Variants in AFG2A observed in about 807,000 individuals in gnomAD.
AFG2A encodes ATPase family gene 2 protein homolog A.
At chr4:122,991,980 A>G in the AFG2A span, among the ~76,000 whole-genome samples, 1 of 152,202 alleles carries the variant, frequency 6.6e-6, no homozygotes, top group Non-Finnish European at 1.5e-5. Context: ...TGGGTCAGGT[A>G]GATGCCCAGT....
the AFG2A span, among the ~76,000 whole-genome samples, chr4:123,086,120 CTTCT>C: frequency 6.6e-6 from 1 of 152,000 alleles, no homozygotes; most frequent in Non-Finnish European, 1.5e-5. Flanking sequence ...AAGTTTTTAT[CTTCT>C]TTATTTCTTC....
the AFG2A span, among the ~76,000 whole-genome samples, chr4:123,091,689 G>A: frequency 6.6e-6 from 1 of 152,010 alleles, no homozygotes; most frequent in Non-Finnish European, 1.5e-5. Flanking sequence ...AAGTAGTATA[G>A]GTGCAAAACC....
chr4:123,314,148 A>G, the AFG2A span: 10 of 1,233,104 alleles, frequency 8.1e-6, no homozygotes, highest in Non-Finnish European at 1.1e-6. Flanking sequence ...TGTTAAAAAA[A>G]ATTTTACTAG....
chr4:123,072,912 T>C, the AFG2A span, among the ~76,000 whole-genome samples: 1,760 of 152,268 alleles, frequency 0.012, 14 homozygotes, highest in Middle Eastern at 0.078. Flanking sequence ...TGGAGTGATA[T>C]GTAATGTTTG....
the AFG2A span, among the ~76,000 whole-genome samples, chr4:123,298,626 T>A: frequency 6.6e-6 from 1 of 152,184 alleles, no homozygotes; most frequent in Admixed American, 6.5e-5. Context: ...AAACCACTCA[T>A]GAGTCCCCTT....
chr4:123,166,795 T>A, the AFG2A span, among the ~76,000 whole-genome samples: 3 of 152,200 alleles, frequency 2.0e-5, no homozygotes, highest in Admixed American at 2.0e-4. Flanking sequence ...CTATGGATGT[T>A]ACTCTTCTTA....
the AFG2A span, among the ~76,000 whole-genome samples, chr4:123,267,418 T>G: frequency 3.9e-5 from 6 of 152,204 alleles, no homozygotes; most frequent in East Asian, 9.6e-4. Flanking sequence ...AAAGTTTCCC[T>G]GTTTAGGAGC....
At chr4:123,309,575 A>G in the AFG2A span, among the ~76,000 whole-genome samples, 1 of 152,204 alleles carries the variant, frequency 6.6e-6, no homozygotes, top group Non-Finnish European at 1.5e-5. Context: ...CAAACTGACC[A>G]TCATTAGTAG....
the AFG2A span, among the ~76,000 whole-genome samples, chr4:123,244,406 T>C: frequency 3.3e-5 from 5 of 152,200 alleles, no homozygotes; most frequent in Non-Finnish European, 7.3e-5. Flanking sequence ...TCAGAGGATG[T>C]GGAAACATTG....
At chr4:123,010,597 A>T in the AFG2A span, among the ~76,000 whole-genome samples, 1 of 152,226 alleles carries the variant, frequency 6.6e-6, no homozygotes. Flanking sequence ...AACTCTACTT[A>T]TAGCAGCCTG....
the AFG2A span, among the ~76,000 whole-genome samples, chr4:122,986,435 G>A: frequency 3.3e-5 from 5 of 152,082 alleles, no homozygotes; most frequent in African/African-American, 9.7e-5. Context: ...CTTAGTAATT[G>A]TTTTATACAT....
chr4:123,004,139 G>A, the AFG2A span, among the ~76,000 whole-genome samples: 4 of 152,182 alleles, frequency 2.6e-5, no homozygotes, highest in Non-Finnish European at 4.4e-5. Context: ...CTCCTGGTGC[G>A]CCGTTTCCTA....
chr4:122,933,498 G>A, the AFG2A span: 3 of 1,608,422 alleles, frequency 1.9e-6, no homozygotes, highest in South Asian at 2.2e-5. Flanking sequence ...AGAAAACTAG[G>A]TGAGACAAAT....
chr4:122,975,263 C>T, the AFG2A span, among the ~76,000 whole-genome samples: 4 of 151,096 alleles, frequency 2.6e-5, no homozygotes, highest in South Asian at 6.2e-4. Flanking sequence ...GTTGTGTCCT[C>T]ACATAGCAGA....
chr4:122,939,605 T>C, the AFG2A span, among the ~76,000 whole-genome samples: 2 of 152,126 alleles, frequency 1.3e-5, no homozygotes, highest in Non-Finnish European at 2.9e-5. Context: ...CAAGCCTCTT[T>C]TGCACATTAA....
the AFG2A span, among the ~76,000 whole-genome samples, chr4:122,969,492 A>G: frequency 6.6e-6 from 1 of 152,138 alleles, no homozygotes; most frequent in Non-Finnish European, 1.5e-5. Flanking sequence ...AAAAAGTCAT[A>G]ATTTCTGGAG....
At chr4:123,163,897 T>C in the AFG2A span, among the ~76,000 whole-genome samples, 1 of 152,234 alleles carries the variant, frequency 6.6e-6, no homozygotes, top group Non-Finnish European at 1.5e-5. Flanking sequence ...CCTTATGTAA[T>C]ACTTCTAAAG....
chr4:123,173,035 G>T, the AFG2A span, among the ~76,000 whole-genome samples: 2 of 152,136 alleles, frequency 1.3e-5, no homozygotes, highest in Admixed American at 1.3e-4. Context: ...AATTGTCAAA[G>T]ATATTGAAAT....
the AFG2A span, among the ~76,000 whole-genome samples, chr4:122,928,052 T>G: frequency 6.6e-6 from 1 of 152,224 alleles, no homozygotes; most frequent in East Asian, 1.9e-4. Context: ...AAAAACTGTA[T>G]TTTAAAAGAC....
Sources: gnomAD v4.1 joint callset for allele counts (sites outside exome capture counted in the v4.1 genomes callset) on GRCh38, gnomAD v4.1.1 for gene constraint, MANE v1.5 for transcripts, NCBI Gene and HGNC (gene_info 2026-07-23, HGNC 2026-07-21) for gene names.